SLC7A1: variants seen among roughly 807,000 people sequenced by gnomAD.
The protein encoded by SLC7A1 is solute carrier family 7 member 1, also known as high affinity cationic amino acid transporter 1.
In SLC7A1, 10 loss-of-function variants were observed where a neutral mutation model predicts 53.9. The observed-to-expected ratio is 0.19, with a 90% confidence interval of 0.11 to 0.31. The LOEUF (loss-of-function observed/expected upper bound fraction) is 0.31. Among genes scored for constraint, SLC7A1 ranks in the 10% least tolerant of loss-of-function variants. The pLI, the probability that SLC7A1 is intolerant of heterozygous loss-of-function variation, is 1.00. For missense variants in SLC7A1, 525 were observed against 827.2 expected (o/e 0.63, Z 4.48); for synonymous variants, 342 against 338.7 (o/e 1.01, Z -0.11).
intron 1 of SLC7A1, among the ~76,000 whole-genome samples, chr13:29,588,994 A>C (rs1213368193): frequency 2.0e-5 from 3 of 152,118 alleles, no homozygotes; most frequent in Non-Finnish European, 4.4e-5. Context: ...GCCTCATCCC[A>C]AGGGAGGGCA....
intron 2 of SLC7A1, among the ~76,000 whole-genome samples, chr13:29,545,738 C>A (rs533574534): frequency 6.6e-6 from 1 of 152,192 alleles, no homozygotes; most frequent in Admixed American, 6.5e-5. Context: ...TTCATCGAAA[C>A]TTTGCCACAG....
intron 2 of SLC7A1, among the ~76,000 whole-genome samples, chr13:29,546,494 CA>C (rs1869928593): frequency 6.6e-6 from 1 of 152,156 alleles, no homozygotes; most frequent in Non-Finnish European, 1.5e-5. Context: ...ATCAGCATTG[CA>C]AACGAGAGCA....
chr13:29,570,288 C>T (rs575132595), intron 1 of SLC7A1, among the ~76,000 whole-genome samples: 4 of 152,348 alleles, frequency 2.6e-5, no homozygotes, highest in South Asian at 2.1e-4. Flanking sequence ...CATCAAGCAA[C>T]GTTATTGACT....
chr13:29,571,121 A>C (rs1001454073), intron 1 of SLC7A1, among the ~76,000 whole-genome samples: 4 of 152,232 alleles, frequency 2.6e-5, no homozygotes, highest in African/African-American at 9.6e-5. Context: ...TGAAGGTATT[A>C]GGTTGGTGCA....
At chr13:29,554,372 C>T (rs900568287) in intron 1 of SLC7A1, among the ~76,000 whole-genome samples, 4 of 152,274 alleles carry the variant, frequency 2.6e-5, no homozygotes, top group African/African-American at 9.6e-5. Flanking sequence ...GTACTATTAA[C>T]AGCTGCCATG....
At chr13:29,564,616 C>T (rs1459732228) in intron 1 of SLC7A1, among the ~76,000 whole-genome samples, 4 of 152,146 alleles carry the variant, frequency 2.6e-5, no homozygotes, top group Non-Finnish European at 2.9e-5. Flanking sequence ...GATGCAAGGA[C>T]GATCCTCCCA....
chr13:29,536,300 T>C (rs1869416516), intron 2 of SLC7A1, 98 bp from the exon 3 acceptor site: 3 of 1,216,642 alleles, frequency 2.5e-6, no homozygotes, highest in African/African-American at 3.0e-5. Context: ...GATCAGGTCC[T>C]TCATAATCAT....
intron 1 of SLC7A1, among the ~76,000 whole-genome samples, chr13:29,575,335 G>A (rs925262011): frequency 1.3e-5 from 2 of 152,188 alleles, no homozygotes; most frequent in African/African-American, 2.4e-5. Context: ...TCTCAAAACA[G>A]TAAACTCAAA....
At chr13:29,583,213 C>T (rs1871728348) in intron 1 of SLC7A1, among the ~76,000 whole-genome samples, 1 of 152,196 alleles carries the variant, frequency 6.6e-6, no homozygotes, top group African/African-American at 2.4e-5. Flanking sequence ...TAAAAGTGTG[C>T]CCCCACAGTT....
chr13:29,529,763 A>T (rs986152770), intron 5 of SLC7A1, among the ~76,000 whole-genome samples: 19 of 152,252 alleles, frequency 1.2e-4, no homozygotes, highest in African/African-American at 4.6e-4. Context: ...GTCTTAATGA[A>T]GAATCACACA....
chr13:29,516,922 TGA>T, intron 11 of SLC7A1: 1 of 456,168 alleles, frequency 2.2e-6, no homozygotes, highest in Non-Finnish European at 3.8e-6. Context: ...AGCCTGCCCT[TGA>T]CTACTCAGGG....
At chr13:29,570,780 C>T (rs1402664210) in intron 1 of SLC7A1, among the ~76,000 whole-genome samples, 1 of 151,464 alleles carries the variant, frequency 6.6e-6, no homozygotes, top group Non-Finnish European at 1.5e-5. Flanking sequence ...TCACTTGAGC[C>T]TAGGGAGGTA....
chr13:29,578,521 G>A (rs1345937770), intron 1 of SLC7A1, among the ~76,000 whole-genome samples: 1 of 152,168 alleles, frequency 6.6e-6, no homozygotes. Flanking sequence ...GAAAGGTGCC[G>A]AGTGTCCACC....
At chr13:29,558,654 C>G (rs372481575) in intron 1 of SLC7A1, among the ~76,000 whole-genome samples, 14 of 4,156 alleles carry the variant, frequency 3.4e-3, no homozygotes, top group Admixed American at 0.011. Flanking sequence ...TGTGAGTGAG[C>G]GGGAGAGAAT....
chr13:29,535,291 T>C (rs1444678501), intron 3 of SLC7A1, among the ~76,000 whole-genome samples: 1 of 152,240 alleles, frequency 6.6e-6, no homozygotes, highest in East Asian at 1.9e-4. Context: ...ATTAGAAATG[T>C]TACTGTGGAA....
intron 1 of SLC7A1, among the ~76,000 whole-genome samples, chr13:29,556,535 C>A (rs566005250): frequency 6.6e-6 from 1 of 152,134 alleles, no homozygotes; most frequent in African/African-American, 2.4e-5. Flanking sequence ...CACACCACCA[C>A]GCCTGGCTAA....
chr13:29,574,348 T>G (rs145503179), intron 1 of SLC7A1, among the ~76,000 whole-genome samples: 1 of 152,364 alleles, frequency 6.6e-6, no homozygotes, highest in Non-Finnish European at 1.5e-5. Context: ...GAGCTGAAAG[T>G]ACATTTTTTA....
rs763739976 is a variant in SLC7A1 at position 29,514,537 on chromosome 13, C to T, written c.1833G>A (p.Ala611=). ...FGYGLWHSEE[A]SLDADQARTP... is the part of the protein sequence containing the mutation. ...TCCTTGCTTGGTCGGCATCCAGGGA[C>T]GCCTCCTCGCTGTGCCACAGGCCAT... is the stretch of plus-strand genomic sequence containing the variant. The change falls in exon 13 of 13, where the codon GCG becomes GCA. Residue 611 remains alanine (A), a synonymous_variant. Coordinates refer to ENST00000380752, the MANE Select transcript of SLC7A1 (RefSeq NM_003045.5). The T allele has an allele frequency of 1.7e-5, 28 of 1,611,176 alleles. No individual in the cohort carries two copies. The highest frequency in any genetic ancestry group is 3.3e-4 in the Middle Eastern group (2 of 6,082).
intron 1 of SLC7A1, among the ~76,000 whole-genome samples, chr13:29,554,729 A>T (rs536810377): frequency 7.2e-5 from 11 of 152,356 alleles, no homozygotes; most frequent in South Asian, 6.2e-4. Flanking sequence ...TAAAGATGCT[A>T]ATCAACAGCT....
Sources: allele counts gnomAD v4.1 joint callset (sites outside exome capture counted in the v4.1 genomes callset), GRCh38; gene constraint gnomAD v4.1.1; transcripts MANE v1.5; gene names NCBI Gene and HGNC (gene_info 2026-07-23, HGNC 2026-07-21).